Variants in MTOR observed in about 807,000 individuals in gnomAD.
The protein encoded by MTOR is serine/threonine-protein kinase mTOR.
In MTOR, 70 loss-of-function variants were observed where a neutral mutation model predicts 319.8. That is an observed-to-expected ratio of 0.22 (90% CI 0.18 to 0.27). The LOEUF is 0.27. MTOR is among the 10% of genes least tolerant of loss of function. The pLI is 1.00. For synonymous variants in MTOR, 1,183 were observed against 1,211.4 expected, an observed-to-expected ratio of 0.98 and a Z score of 0.49; for missense variants, 1,890 against 3,274.4, an observed-to-expected ratio of 0.58 and a Z score of 10.32.
chr1:11,198,893 G>T (rs1237219046), intron 28 of MTOR, among the ~76,000 whole-genome samples: 1 of 152,172 alleles, frequency 6.6e-6, no homozygotes, highest in Non-Finnish European at 1.5e-5. Flanking sequence ...ACCCTCTGAA[G>T]CCCAGGAACC....
intron 57 of MTOR, 42 bp downstream of exon 57, chr1:11,108,139 G>C: frequency 6.5e-7 from 1 of 1,533,294 alleles, no homozygotes; most frequent in East Asian, 2.2e-5. Context: ...CTTGGGACCT[G>C]ATTGCTTATT....
chr1:11,208,773 T>A (rs939442256), intron 25 of MTOR, among the ~76,000 whole-genome samples: 13 of 152,182 alleles, frequency 8.5e-5, no homozygotes, highest in Admixed American at 8.5e-4. Context: ...GCAGAGATAA[T>A]TCAGTAATCA....
intron 28 of MTOR, chr1:11,195,822 T>C (rs1274156043): frequency 6.6e-6 from 1 of 152,436 alleles, no homozygotes; most frequent in East Asian, 1.9e-4. Flanking sequence ...CTTTTAAATT[T>C]TGTCTGTAGG....
intron 28 of MTOR, among the ~76,000 whole-genome samples, chr1:11,167,788 G>A (rs1200252371): frequency 1.3e-5 from 2 of 152,222 alleles, no homozygotes. Flanking sequence ...GCAGAGACTA[G>A]GCTGGGTGTG....
At position 11,213,518 on chromosome 1, in the gene MTOR, T is replaced by C. The variant is rs1646374550; in HGVS notation, c.3166A>G (p.Ile1056Val). The change falls in exon 21 of 58, where the codon ATT (isoleucine) becomes GTT (valine). Residue 1056 changes from isoleucine (I) to valine (V), a missense_variant. This residue lies in a region of MTOR where 377 missense variants were observed against 653.9 expected (regional missense o/e 0.58). Coordinates refer to ENST00000361445, the MANE Select transcript of MTOR (RefSeq NM_004958.4). ...TSIQSTIILL[I>V]EQIVVALGGE... ...CCAAGAGCTACCACAATTTGCTCAA[T>C]GAGAAGAATGATCGTGCTCTGAATT... 1 of 1,613,822 alleles carries C rather than the reference T, an allele frequency of 6.2e-7. No individual in the cohort carries two copies.
chr1:11,198,512 T>C (rs955606516), intron 28 of MTOR, among the ~76,000 whole-genome samples: 1 of 152,178 alleles, frequency 6.6e-6, no homozygotes, highest in African/African-American at 2.4e-5. Context: ...AGGAACTTAC[T>C]AGCCAGATGA....
intron 28 of MTOR, among the ~76,000 whole-genome samples, chr1:11,188,131 T>G (rs1488928503): frequency 2.0e-5 from 3 of 152,234 alleles, no homozygotes; most frequent in Non-Finnish European, 4.4e-5. Context: ...GGACCCACGC[T>G]GACTACAACA....
chr1:11,181,351 A>G (rs1244963426), intron 28 of MTOR, among the ~76,000 whole-genome samples: 3 of 152,084 alleles, frequency 2.0e-5, no homozygotes, highest in African/African-American at 7.2e-5. Context: ...AGCTACCTCA[A>G]GTTATTGATT....
Position 11,107,267 on chromosome 1 carries a change from G to C in MTOR, c.*218C>G. ...TGGTATTACTATGTTTCACTGTCCTGGGAACCAAATCAAGCCTTGTGTTTC... is the reference window on the plus strand; with the variant it reads ...TGGTATTACTATGTTTCACTGTCCTCGGAACCAAATCAAGCCTTGTGTTTC... On this transcript the variant is annotated 3_prime_UTR_variant, in exon 58 of 58. Coordinates refer to ENST00000361445, the MANE Select transcript of MTOR (RefSeq NM_004958.4). 6.9e-7 allele frequency: 1 copy of C among 1,440,460 alleles called. No homozygotes were observed. The highest frequency in any genetic ancestry group is 9.1e-7 in the Non-Finnish European group (1 of 1,094,156). The allele number at this position is 1,440,460 out of a possible 1,614,324, so 89.2% of individuals were successfully genotyped here.
In MTOR at chr1:11,203,495, C is replaced by T. The variant is rs186030568; in HGVS notation, c.3944+1066G>A. ...TTGAAGACCAGCCTGGCCAACATGGCGAAACCCCGTCTTTACTAAAAATAC... is the reference window on the plus strand; with the variant it reads ...TTGAAGACCAGCCTGGCCAACATGGTGAAACCCCGTCTTTACTAAAAATAC... On this transcript the variant is annotated intron_variant, in intron 26 of 57. Transcript: ENST00000361445. Among the ~76,000 whole-genome samples, 1,046 of 151,950 alleles carry T rather than the reference C, an allele frequency of 6.9e-3. 12 individuals carry two copies. Among genetic ancestry groups the T allele is most frequent in the African/African-American group, 0.024 (985 of 41,458 alleles).
chr1:11,237,561 G>C (rs1247552013), intron 13 of MTOR, among the ~76,000 whole-genome samples: 1 of 152,026 alleles, frequency 6.6e-6, no homozygotes, highest in African/African-American at 2.4e-5. Context: ...AGAGGGCCAA[G>C]AAATGGGATC....
intron 28 of MTOR, among the ~76,000 whole-genome samples, chr1:11,179,943 G>T (rs746512483): frequency 5.3e-5 from 8 of 152,154 alleles, no homozygotes; most frequent in Non-Finnish European, 7.4e-5. Context: ...ATAGTGTCTT[G>T]TTCTGTTGCC....
chr1:11,230,009 T>G (rs978271655), intron 18 of MTOR, among the ~76,000 whole-genome samples: 41 of 151,606 alleles, frequency 2.7e-4, no homozygotes, highest in African/African-American at 9.7e-4. Flanking sequence ...TAAAAGGCAA[T>G]GGGCAACAGA....
At position 11,234,229 on chromosome 1, in the gene MTOR, T is replaced by C. The variant is rs1470740358; in HGVS notation, c.2245A>G (p.Ile749Val). Residue 749 changes from isoleucine (I) to valine (V), a missense_variant, in exon 14 of 58, where the codon ATC becomes GTC. By Grantham distance (29) the Ile-to-Val change is conservative. Transcript: ENST00000361445. ...TELEHSGIGRIKEQSARMLGH... is the reference protein window; with the variant it reads ...TELEHSGIGRVKEQSARMLGH... ...AGCATGCGGGCACTCTGCTCTTTGATTCTTCCAATCCCACTGTGCTCCAAC... is the reference window on the plus strand; with the variant it reads ...AGCATGCGGGCACTCTGCTCTTTGACTCTTCCAATCCCACTGTGCTCCAAC... The C allele has an allele frequency of 6.2e-7, 1 of 1,613,992 alleles. No homozygotes were observed. Among genetic ancestry groups the C allele is most frequent in the African/African-American group, 1.3e-5 (1 of 74,926 alleles).
At chr1:11,220,715 C>T (rs1288570713) in intron 19 of MTOR, among the ~76,000 whole-genome samples, 2 of 152,212 alleles carry the variant, frequency 1.3e-5, no homozygotes, top group Non-Finnish European at 2.9e-5. Context: ...AAACAATTCT[C>T]CCCTAGAGCT....
rs1641599849 is a variant in MTOR at position 11,106,795 on chromosome 1, C to T, written c.*690G>A. ...CTGCAGAAGGCCAGTGAGGGTGGTC[C>T]CACTGCACAGTGATCCCCTCTGTGC... On this transcript the variant is annotated 3_prime_UTR_variant, in exon 58 of 58. Transcript: ENST00000361445. The T allele has an allele frequency of 7.9e-7, 1 of 1,269,522 alleles. No individual in the cohort carries two copies. The highest frequency in any genetic ancestry group is 1.0e-6 in the Non-Finnish European group (1 of 990,338). The allele number at this position is 1,269,522 out of a possible 1,614,324, so 78.6% of individuals were successfully genotyped here.
chr1:11,250,201 G>A (rs1260946681), intron 6 of MTOR, among the ~76,000 whole-genome samples: 6 of 117,574 alleles, frequency 5.1e-5, no homozygotes, highest in Non-Finnish European at 9.6e-5. Context: ...CCTCCCGGAC[G>A]GGGCGGCTGG....
At chr1:11,198,699 G>A (rs1250125877) in intron 28 of MTOR, among the ~76,000 whole-genome samples, 1 of 152,108 alleles carries the variant, frequency 6.6e-6, no homozygotes, top group African/African-American at 2.4e-5. Flanking sequence ...TTTATTAAAC[G>A]AACTATTTTT....
chr1:11,173,433 C>G (rs1032628021), intron 28 of MTOR, among the ~76,000 whole-genome samples: 2 of 151,962 alleles, frequency 1.3e-5, no homozygotes, highest in Admixed American at 1.3e-4. Context: ...TACACCACCA[C>G]ACACATTATT....
Sources: gnomAD v4.1 joint callset for allele counts (sites outside exome capture counted in the v4.1 genomes callset) on GRCh38, gnomAD v4.1.1 for gene constraint, gnomAD v4.1.1 regional missense constraint, MANE v1.5 for transcripts, NCBI Gene and HGNC (gene_info 2026-07-23, HGNC 2026-07-21) for gene names.